The following SLK variants were observed in gnomAD, a reference collection of about 807,000 sequenced individuals.
The protein encoded by SLK is STE20 like kinase, also known as STE20-like serine/threonine-protein kinase.
A neutral mutation model predicts 147.7 loss-of-function variants in SLK; 67 were observed. The observed-to-expected ratio is 0.45, with a 90% CI of 0.37 to 0.56. SLK has a LOEUF of 0.56. Among genes scored for constraint, SLK ranks in the 20% least tolerant of loss-of-function variants. The probability of loss-of-function intolerance (pLI) is 0.00; values close to 1 mark genes in which losing one functional copy is unlikely to be tolerated. For synonymous variants in SLK, 441 were observed against 475.0 expected (o/e 0.93, Z 0.93); for missense variants, 1,136 against 1,438.8 (o/e 0.79, Z 3.41).
chr10:103,997,852 A>AT (rs201163976), intron 4 of SLK, among the ~76,000 whole-genome samples: 3 of 151,684 alleles, frequency 2.0e-5, no homozygotes, highest in Admixed American at 6.6e-5. Context: ...TTTTGGGGGC[A>AT]TTTTTTTTGT....
Position 104,008,440 on chromosome 10 carries a change from T to C in SLK, c.2784+84T>C, listed in dbSNP as rs563089350. 3.8e-5 allele frequency: 34 copies of C among 889,648 alleles called. No individual in the cohort carries two copies. In the East Asian group the frequency reaches 9.0e-4, roughly 24 times the overall value. The allele number at this position is 889,648 out of a possible 1,614,324, so 55.1% of individuals were successfully genotyped here. A position where few individuals can be genotyped will look rare whatever the true frequency, so the allele number is the denominator to read the frequency against. ...AGACTATCTAAGGATTTAGGAATAC[T>C]AATAATACTTGAGAGTTAAATAGCA... On this transcript the variant is annotated intron_variant, in intron 12 of 18. Transcript: ENST00000369755.
intron 13 of SLK, among the ~76,000 whole-genome samples, chr10:104,011,474 CA>C (rs1366285471): frequency 1.3e-5 from 2 of 151,862 alleles, no homozygotes; most frequent in Non-Finnish European, 2.9e-5. Flanking sequence ...AGCAGTTAAA[CA>C]AATAGACTAT....
chr10:103,997,525 A>G (rs928304885), intron 4 of SLK, among the ~76,000 whole-genome samples: 2 of 151,448 alleles, frequency 1.3e-5, no homozygotes, highest in African/African-American at 2.4e-5. Flanking sequence ...CAACTGCACC[A>G]TTTTACATTT....
chr10:104,005,435 G>A (rs1415382602), intron 9 of SLK, 126 bp from the exon 10 acceptor site: 3 of 755,922 alleles, frequency 4.0e-6, no homozygotes, highest in Non-Finnish European at 6.3e-6. Context: ...TACTTTCTAT[G>A]TGTAGTCTGC....
chr10:103,989,719 C>T (rs990339997), intron 1 of SLK, among the ~76,000 whole-genome samples: 17 of 152,190 alleles, frequency 1.1e-4, no homozygotes, highest in East Asian at 3.9e-4. Context: ...CTGCCTGCCT[C>T]GGCCTCCCAA....
In SLK at chr10:104,027,646, T is replaced by C. The variant is rs1844616017; in HGVS notation, c.*1926T>C. The C allele has an allele frequency of 6.6e-6, 1 of 152,506 alleles. No individual in the cohort carries two copies. The highest frequency in any genetic ancestry group is 2.4e-5 in the African/African-American group (1 of 41,424). The allele number at this position is 152,506 out of a possible 1,614,324, so 9.4% of individuals were successfully genotyped here. On this transcript the variant is annotated 3_prime_UTR_variant, in exon 19 of 19. Coordinates refer to ENST00000369755, the MANE Select transcript of SLK (RefSeq NM_014720.4). Reference sequence around the variant, plus strand: ...GGGAAGGAACGTCTTCATACCACTTTCTCCTTTGAAATTTTCAGTTTATTG... The same window carrying C: ...GGGAAGGAACGTCTTCATACCACTTCCTCCTTTGAAATTTTCAGTTTATTG...
Position 104,002,438 on chromosome 10 carries a change from G to A in SLK, c.1260G>A (p.Lys420=). The A allele has an allele frequency of 2.5e-6, 4 of 1,613,942 alleles. No individual in the cohort carries two copies. Among genetic ancestry groups the A allele is most frequent in the Non-Finnish European group, 3.4e-6 (4 of 1,180,002 alleles). ...TELHDRTAVI[K]ENEREKRPKL... is the part of the protein sequence containing the mutation. ...TCCATGACAGAACAGCAGTAATCAA[G>A]GAGAATGAAAGAGAGAAGAGGCCCA... is the stretch of plus-strand genomic sequence containing the variant. Residue 420 remains lysine, a synonymous_variant, in exon 9 of 19, where the codon AAG becomes AAA. Transcript: ENST00000369755.
chr10:104,015,893 C>T (rs1487478749), intron 13 of SLK, among the ~76,000 whole-genome samples: 1 of 151,612 alleles, frequency 6.6e-6, no homozygotes, highest in Non-Finnish European at 1.5e-5. Context: ...TAATTTAGAC[C>T]CATTGTTTCT....
At chr10:104,006,794 T>C (rs993075064) in intron 11 of SLK, among the ~76,000 whole-genome samples, 9 of 112,336 alleles carry the variant, frequency 8.0e-5, no homozygotes, top group African/African-American at 2.1e-4. Flanking sequence ...AGTTGGATCA[T>C]AACTGAGATT....
rs1406067781 is a variant in SLK, at chr10:103,971,279, T to G, written c.150+3384T>G. 5.9e-5 allele frequency among the ~76,000 whole-genome samples: 9 copies of G among 152,206 alleles called. No individual in the cohort carries two copies. In the South Asian group the frequency reaches 1.9e-3, roughly 32 times the overall value. ...TTTTGTTGTTGTTGTTTTGTTTGTG[T>G]TTTGTTTTGTTTTGAGATGGAGTCC... On this transcript the variant is annotated intron_variant, in intron 1 of 18. Transcript: ENST00000369755.
chr10:103,980,322 G>C (rs1023070410), intron 1 of SLK, among the ~76,000 whole-genome samples: 2 of 152,038 alleles, frequency 1.3e-5, no homozygotes, highest in African/African-American at 2.4e-5. Flanking sequence ...AAAATTTACT[G>C]TCTTGACTAT....
At chr10:104,014,293 T>A (rs1274126789) in intron 13 of SLK, among the ~76,000 whole-genome samples, 1 of 152,244 alleles carries the variant, frequency 6.6e-6, no homozygotes, top group Non-Finnish European at 1.5e-5. Context: ...AAGTAGTCAA[T>A]AATGAATAGT....
In SLK at chr10:103,967,497, G is replaced by C. The variant is rs1324750762; in HGVS notation, c.-249G>C. On this transcript the variant is annotated 5_prime_UTR_variant, in exon 1 of 19. Transcript: ENST00000369755. ...CGCTCCCGGAGGGTGGGCCGGAGGC[G>C]AGGCGCCCACCGCGCGGCTCGCGGG... is the stretch of plus-strand genomic sequence containing the variant. 6.7e-6 allele frequency: 1 copy of C among 150,020 alleles called. No homozygotes were observed. The highest frequency in any genetic ancestry group is 1.5e-5 in the Non-Finnish European group (1 of 67,456). 9.3% of individuals were successfully genotyped at this position (150,020 alleles called of 1,614,324 possible).
chr10:104,018,337 T>C (rs767714313), intron 14 of SLK, 48 bp downstream of exon 14: 7 of 1,535,836 alleles, frequency 4.6e-6, no homozygotes, highest in Non-Finnish European at 4.4e-6. Flanking sequence ...GAATTCCTTA[T>C]GACAGTAGAA....
chr10:103,968,383 T>C (rs1017387765), intron 1 of SLK, among the ~76,000 whole-genome samples: 6 of 152,224 alleles, frequency 3.9e-5, no homozygotes, highest in Admixed American at 3.9e-4. Context: ...TGCAGTCTCT[T>C]CTTGAGTTAG....
At chr10:103,996,710 T>C (rs1161546823) in intron 4 of SLK, among the ~76,000 whole-genome samples, 1 of 152,172 alleles carries the variant, frequency 6.6e-6, no homozygotes, top group African/African-American at 2.4e-5. Flanking sequence ...ATAAATATTA[T>C]GCTCGTACAA....
intron 1 of SLK, among the ~76,000 whole-genome samples, chr10:103,981,189 T>TG (rs941537665): frequency 4.0e-5 from 5 of 126,546 alleles, no homozygotes; most frequent in East Asian, 4.1e-4. Flanking sequence ...GTGGGTTTTT[T>TG]TTGTTGTTGT....
At chr10:103,967,951 G>GT in intron 1 of SLK, 56 bp downstream of exon 1, 2 of 1,570,592 alleles carry the variant, frequency 1.3e-6, no homozygotes, top group Non-Finnish European at 1.7e-6. Flanking sequence ...CACTGGCCTG[G>GT]AGTGGCGGGA....
chr10:103,996,840 G>A (rs1417231946), intron 4 of SLK, among the ~76,000 whole-genome samples: 1 of 151,926 alleles, frequency 6.6e-6, no homozygotes, highest in East Asian at 1.9e-4. Flanking sequence ...TTTGTTTGTT[G>A]GATCTTTGCC....
Sources: allele counts gnomAD v4.1 joint callset (sites outside exome capture counted in the v4.1 genomes callset), GRCh38; gene constraint gnomAD v4.1.1; transcripts MANE v1.5; gene names NCBI Gene and HGNC (gene_info 2026-07-23, HGNC 2026-07-21).